Variants in TRIB2 observed in about 807,000 individuals in gnomAD.
TRIB2 encodes the protein tribbles homolog 2.
In TRIB2, 2 loss-of-function variants were observed where a neutral mutation model predicts 26.8. The observed-to-expected ratio is 0.07, with a 90% CI of 0.03 to 0.24. TRIB2 has a LOEUF of 0.24. Ranked by LOEUF, TRIB2 falls within the 10% of genes least tolerant of loss-of-function variation. The probability of loss-of-function intolerance (pLI) is 1.00; values close to 1 mark genes in which losing one functional copy is unlikely to be tolerated. For synonymous variants in TRIB2, 189 were observed against 187.3 expected, an observed-to-expected ratio of 1.01 and a Z score of -0.08; for missense variants, 306 against 449.0, an observed-to-expected ratio of 0.68 and a Z score of 2.88.
chr2:12,730,887 A>G (rs1661437735), intron 2 of TRIB2, among the ~76,000 whole-genome samples: 1 of 152,144 alleles, frequency 6.6e-6, no homozygotes, highest in East Asian at 1.9e-4. Flanking sequence ...AGTCCAGGCT[A>G]TTTGAAATTT....
intron 2 of TRIB2, among the ~76,000 whole-genome samples, chr2:12,725,067 A>G (rs1368447782): frequency 6.6e-6 from 1 of 152,222 alleles, no homozygotes; most frequent in Non-Finnish European, 1.5e-5. Context: ...TGAAGTCCCA[A>G]AGTTACGGAC....
chr2:12,725,354 A>G (rs1558316026), intron 2 of TRIB2, among the ~76,000 whole-genome samples: 1 of 152,218 alleles, frequency 6.6e-6, no homozygotes, highest in South Asian at 2.1e-4. Context: ...TGGGAACAAA[A>G]GTGGACCCGG....
Position 12,730,621 on chromosome 2 carries a change from G to A in TRIB2, c.563+7069G>A, listed in dbSNP as rs1382090583. Among the ~76,000 whole-genome samples the A allele has an allele frequency of 3.3e-5, 5 of 152,178 alleles. No homozygotes were observed. In the East Asian group the frequency reaches 9.6e-4, roughly 29 times the overall value. ...GTTTTTTTTGTTTTGTTTTGTTTTT[G>A]TTTTTCCCCAGGGAACTATACAATG... On this transcript the variant is annotated intron_variant, in intron 2 of 2. Coordinates refer to ENST00000155926, the MANE Select transcript of TRIB2 (RefSeq NM_021643.4).
rs1228028412 is a variant in TRIB2 at position 12,718,976 on chromosome 2, T to G, written c.270+399T>G. On this transcript the variant is annotated intron_variant, in intron 1 of 2. Transcript: ENST00000155926. The surrounding 1 kb of genome is among the most constrained non-coding windows in gnomAD (Gnocchi z 4.0). Reference sequence around the variant, plus strand: ...CCCGGTAATTTTAAGACTGATGACTTCGTTCTTTTCGCAGCCATTGTTCTT... The same window carrying G: ...CCCGGTAATTTTAAGACTGATGACTGCGTTCTTTTCGCAGCCATTGTTCTT... Among the ~76,000 whole-genome samples the G allele has an allele frequency of 1.3e-5, 2 of 152,282 alleles. No homozygotes were observed. The highest frequency in any genetic ancestry group is 2.9e-5 in the Non-Finnish European group (2 of 68,024).
chr2:12,738,752 CTCTCAGTGACTT>C (rs764232055), intron 2 of TRIB2, among the ~76,000 whole-genome samples: 7 of 152,180 alleles, frequency 4.6e-5, no homozygotes, highest in Non-Finnish European at 8.8e-5. Flanking sequence ...GTGGAGGAAG[CTCTCAGTGACTT>C]TCACCATAGC....
At chr2:12,739,264 TG>T in intron 2 of TRIB2, among the ~76,000 whole-genome samples, 1 of 152,228 alleles carries the variant, frequency 6.6e-6, no homozygotes, top group East Asian at 1.9e-4. Flanking sequence ...AAGATGGTTT[TG>T]TTTTTCTTTT....
intron 2 of TRIB2, among the ~76,000 whole-genome samples, chr2:12,725,962 C>T (rs1041413712): frequency 6.6e-6 from 1 of 152,180 alleles, no homozygotes; most frequent in African/African-American, 2.4e-5. Context: ...GTTACTTGGC[C>T]TCATGGCAGG....
chr2:12,723,221 G>T (rs1331839544), intron 1 of TRIB2, 39 bp from the exon 2 acceptor site: 1 of 1,584,498 alleles, frequency 6.3e-7, no homozygotes, highest in Admixed American at 1.7e-5. Flanking sequence ...TGTACAAGAG[G>T]CACCTCTGAC....
intron 1 of TRIB2, among the ~76,000 whole-genome samples, chr2:12,720,978 T>C (rs182200052): frequency 3.2e-3 from 492 of 152,324 alleles, no homozygotes; most frequent in Middle Eastern, 0.014. Context: ...CTGCCTTATC[T>C]GAACTGTCAC....
chr2:12,717,533 A>C lies in TRIB2; in HGVS notation c.-775A>C. The stretch of plus-strand genomic sequence containing the variant: ...GTACCTGCGCCCAGCCCGCGCCGCA[A>C]CTCTGTGCCCAGCTTTTGCAATCTT... On this transcript the variant is annotated 5_prime_UTR_variant, in exon 1 of 3. Transcript: ENST00000155926. This position sits in a 1 kb window ranked among gnomAD's most constrained non-coding sequence, Gnocchi z 4.8. 2.5e-6 allele frequency: 1 copy of C among 398,260 alleles called. No individual in the cohort carries two copies. The highest frequency in any genetic ancestry group is 4.4e-6 in the Non-Finnish European group (1 of 225,832). The allele number at this position is 398,260 out of a possible 1,614,324, so 24.7% of individuals were successfully genotyped here.
chr2:12,735,529 G>T (rs1250990444), intron 2 of TRIB2, among the ~76,000 whole-genome samples: 3 of 152,144 alleles, frequency 2.0e-5, no homozygotes, highest in Non-Finnish European at 4.4e-5. Flanking sequence ...AGCCGTAGGA[G>T]CCTACTCAGA....
chr2:12,735,050 G>A (rs1661539214), intron 2 of TRIB2, among the ~76,000 whole-genome samples: 1 of 152,170 alleles, frequency 6.6e-6, no homozygotes, highest in African/African-American at 2.4e-5. Context: ...TACACAGCAA[G>A]TCCACAGTGA....
chr2:12,742,429 A>T lies in TRIB2; in HGVS notation c.*1635A>T, dbSNP rs1661728921. ...GCAGGAGCCCTGTCCTCACGTTCCC[A>T]GGAGGGCGGCTTCACCCTTCGTAAC... On this transcript the variant is annotated 3_prime_UTR_variant, in exon 3 of 3. Transcript: ENST00000155926. The T allele has an allele frequency of 6.6e-6, 1 of 152,608 alleles. No homozygotes were observed. The highest frequency in any genetic ancestry group is 2.4e-5 in the African/African-American group (1 of 41,438). 9.5% of individuals were successfully genotyped at this position (152,608 alleles called of 1,614,324 possible). A position where few individuals can be genotyped will look rare whatever the true frequency, so the allele number is the denominator to read the frequency against.
In TRIB2 at chr2:12,719,728, C is replaced by T. The variant is rs551729876; in HGVS notation, c.270+1151C>T. The stretch of plus-strand genomic sequence containing the variant: ...CGGACTTGCCTTATTTCCTAGTGGA[C>T]TGGAGTATTTCATTGCAAAATTTGG... On this transcript the variant is annotated intron_variant, in intron 1 of 2. Transcript: ENST00000155926. 6.6e-5 allele frequency among the ~76,000 whole-genome samples: 10 copies of T among 152,224 alleles called. No individual in the cohort carries two copies. In the South Asian group the frequency reaches 2.1e-3, roughly 32 times the overall value.
intron 2 of TRIB2, chr2:12,724,948 T>A (rs1661306460): frequency 7.2e-7 from 1 of 1,393,884 alleles, no homozygotes; most frequent in African/African-American, 1.5e-5. Flanking sequence ...AAATAAGAGG[T>A]CATATTTGTT....
chr2:12,718,935 A>G lies in TRIB2; in HGVS notation c.270+358A>G, dbSNP rs1328906643. 6.6e-6 allele frequency among the ~76,000 whole-genome samples: 1 copy of G among 152,070 alleles called. No individual in the cohort carries two copies. Among genetic ancestry groups the G allele is most frequent in the African/African-American group, 2.4e-5 (1 of 41,420 alleles). ...GTGTCTAGCCCCCTCCCCTTCCAAC[A>G]AGGATTAGGGAATCCCCCGGTAATT... is the stretch of plus-strand genomic sequence containing the variant. On this transcript the variant is annotated intron_variant, in intron 1 of 2. Coordinates refer to ENST00000155926, the MANE Select transcript of TRIB2 (RefSeq NM_021643.4). The surrounding 1 kb of genome is among the most constrained non-coding windows in gnomAD (Gnocchi z 4.0).
At chr2:12,734,693 A>T (rs563392366) in intron 2 of TRIB2, among the ~76,000 whole-genome samples, 2 of 152,304 alleles carry the variant, frequency 1.3e-5, no homozygotes, top group African/African-American at 4.8e-5. Context: ...GTTACTTGTC[A>T]TGTCTGTCTC....
intron 2 of TRIB2, among the ~76,000 whole-genome samples, chr2:12,725,609 T>C (rs1398718581): frequency 6.6e-6 from 1 of 152,228 alleles, no homozygotes; most frequent in Admixed American, 6.5e-5. Context: ...CAGGAGTGTG[T>C]GCCTCTGACA....
intron 2 of TRIB2, among the ~76,000 whole-genome samples, chr2:12,730,005 G>T (rs1417723913): frequency 6.6e-6 from 1 of 152,130 alleles, no homozygotes; most frequent in Admixed American, 6.5e-5. Flanking sequence ...TAACCCAACA[G>T]CCCGGAGATT....
Sources: gnomAD v4.1 joint callset for allele counts (sites outside exome capture counted in the v4.1 genomes callset) on GRCh38, gnomAD v4.1.1 for gene constraint, Gnocchi (gnomAD v3.1) non-coding constraint, MANE v1.5 for transcripts, NCBI Gene and HGNC (gene_info 2026-07-23, HGNC 2026-07-21) for gene names.